Variants in SPOCK1 observed in about 807,000 individuals in gnomAD.
SPOCK1 encodes SPARC (osteonectin), cwcv and kazal like domains proteoglycan 1.
SPOCK1 carries 23 observed loss-of-function variants against 55.3 expected under a neutral mutation model. The observed-to-expected ratio is 0.42, with a 90% confidence interval of 0.30 to 0.59. The LOEUF is 0.59. Ranked by LOEUF, SPOCK1 falls within the 20% of genes least tolerant of loss-of-function variation. SPOCK1 has a pLI of 0.22. For missense variants in SPOCK1, 499 were observed against 552.5 expected (o/e 0.90, Z 0.97); for synonymous variants, 226 against 221.0 (o/e 1.02, Z -0.20).
At chr5:137,140,759 T>A (rs1212656059) in intron 3 of SPOCK1, 65 bp from the exon 4 acceptor site, 1 of 1,108,954 alleles carries the variant, frequency 9.0e-7, no homozygotes, top group Non-Finnish European at 1.2e-6. Flanking sequence ...TTTTTTTTTT[T>A]TTTTTTTTTT....
At chr5:137,092,308 G>A (rs1753066865) in intron 5 of SPOCK1, among the ~76,000 whole-genome samples, 1 of 152,226 alleles carries the variant, frequency 6.6e-6, no homozygotes, top group African/African-American at 2.4e-5. Flanking sequence ...GTAACGAGAG[G>A]CCCTGAGCTG....
chr5:137,432,283 A>G (rs1464929362), intron 2 of SPOCK1, among the ~76,000 whole-genome samples: 1 of 152,248 alleles, frequency 6.6e-6, no homozygotes, highest in East Asian at 1.9e-4. Context: ...GAAAGCAGGG[A>G]CTGGAGAAGA....
At chr5:137,182,013 C>G (rs983094568) in intron 3 of SPOCK1, among the ~76,000 whole-genome samples, 9 of 152,284 alleles carry the variant, frequency 5.9e-5, no homozygotes, top group African/African-American at 2.2e-4. Context: ...AATAGTTTTG[C>G]AGCAGTGGGC....
chr5:137,425,476 A>G (rs948020433), intron 2 of SPOCK1, among the ~76,000 whole-genome samples: 3 of 152,180 alleles, frequency 2.0e-5, no homozygotes, highest in Admixed American at 6.5e-5. Context: ...AAAAGAGAAT[A>G]CCACATGCAT....
At chr5:136,986,992 T>G (rs1750853995) in intron 8 of SPOCK1, among the ~76,000 whole-genome samples, 1 of 152,040 alleles carries the variant, frequency 6.6e-6, no homozygotes, top group Non-Finnish European at 1.5e-5. Context: ...AAAGGACAGT[T>G]CTACCAGGTA....
chr5:137,243,236 T>C (rs1756321834), intron 3 of SPOCK1, among the ~76,000 whole-genome samples: 1 of 152,154 alleles, frequency 6.6e-6, no homozygotes, highest in Admixed American at 6.6e-5. Context: ...AGCTAATACC[T>C]GGGGAAAAGC....
chr5:137,252,398 G>A (rs1294515726), intron 3 of SPOCK1, among the ~76,000 whole-genome samples: 5 of 152,190 alleles, frequency 3.3e-5, no homozygotes, highest in Non-Finnish European at 5.9e-5. Flanking sequence ...GGAGAAAAAC[G>A]TGGATGGCAG....
intron 2 of SPOCK1, among the ~76,000 whole-genome samples, chr5:137,418,127 C>T (rs1257086971): frequency 6.6e-6 from 1 of 152,204 alleles, no homozygotes. Flanking sequence ...CTACAAAGGA[C>T]ATGAACTCAT....
At chr5:137,168,357 A>T (rs6882509) in intron 3 of SPOCK1, among the ~76,000 whole-genome samples, 34,336 of 152,056 alleles carry the variant, frequency 0.23, 4,169 homozygotes, top group Middle Eastern at 0.3. Context: ...AAATGGGATC[A>T]CACGAAGTTA....
At chr5:137,249,496 T>C (rs1242782953) in intron 3 of SPOCK1, among the ~76,000 whole-genome samples, 1 of 152,162 alleles carries the variant, frequency 6.6e-6, no homozygotes, top group Non-Finnish European at 1.5e-5. Context: ...CAGTTAAAAA[T>C]GAATATGCAT....
At chr5:137,377,738 C>T (rs1439240752) in intron 2 of SPOCK1, among the ~76,000 whole-genome samples, 2 of 152,092 alleles carry the variant, frequency 1.3e-5, no homozygotes, top group Non-Finnish European at 2.9e-5. Context: ...AGAAGGATTC[C>T]GGATTCTCTT....
rs1488457194 is a variant in SPOCK1 at position 137,498,458 on chromosome 5, T to C, written c.101A>G (p.Asn34Ser). ...GTCATTGTCTAGGAAATTGCCGTGG[T>C]TGGGGCCCGCGCCTCCGGCGAGCGC... The part of the protein sequence containing the change: ...LDALAGGAGP[N>S]HGNFLDNDQW... The change falls in exon 2 of 11, where the codon AAC (asparagine) becomes AGC (serine). Residue 34 changes from asparagine to serine, a missense_variant. Around this residue, in one of 3 missense-constraint regions of SPOCK1, gnomAD observed 386 missense variants for 400.6 expected, o/e 0.96. Coordinates refer to ENST00000394945, the MANE Select transcript of SPOCK1 (RefSeq NM_004598.4). 1.2e-6 allele frequency: 2 copies of C among 1,610,148 alleles called. No homozygotes were observed. The highest frequency in any genetic ancestry group is 1.1e-5 in the South Asian group (1 of 90,502).
chr5:137,411,801 T>C (rs138670343), intron 2 of SPOCK1, among the ~76,000 whole-genome samples: 99 of 152,320 alleles, frequency 6.5e-4, no homozygotes, highest in Middle Eastern at 3.4e-3. Context: ...CAATGGATAA[T>C]GACAGCTCTC....
intron 4 of SPOCK1, among the ~76,000 whole-genome samples, chr5:137,139,603 GA>G (rs918814066): frequency 6.6e-6 from 1 of 152,058 alleles, no homozygotes; most frequent in African/African-American, 2.4e-5. Context: ...TCTAAATTCA[GA>G]AAGGTTGCTT....
chr5:137,042,356 A>T (rs962606768), intron 6 of SPOCK1, among the ~76,000 whole-genome samples: 5 of 152,196 alleles, frequency 3.3e-5, no homozygotes, highest in Admixed American at 6.5e-5. Flanking sequence ...TAGAGTAATA[A>T]AACTATTTGT....
At chr5:137,036,480 A>G (rs1751886717) in intron 6 of SPOCK1, among the ~76,000 whole-genome samples, 1 of 151,976 alleles carries the variant, frequency 6.6e-6, no homozygotes, top group Non-Finnish European at 1.5e-5. Context: ...AAAACTATCA[A>G]CCTGTTTGTT....
intron 2 of SPOCK1, among the ~76,000 whole-genome samples, chr5:137,326,591 C>T (rs990237825): frequency 2.0e-5 from 3 of 152,204 alleles, no homozygotes; most frequent in African/African-American, 7.2e-5. Flanking sequence ...AATTTATCTA[C>T]AGCTGAAGGA....
rs1750641202 is a variant in SPOCK1, at chr5:136,977,468, G to A, written c.*1186C>T. The A allele has an allele frequency of 4.7e-6, 1 of 211,078 alleles. No individual in the cohort carries two copies. Among genetic ancestry groups the A allele is most frequent in the Non-Finnish European group, 9.3e-6 (1 of 107,182 alleles). The allele number at this position is 211,078 out of a possible 1,614,324, so 13.1% of individuals were successfully genotyped here. A position where few individuals can be genotyped will look rare whatever the true frequency, so the allele number is the denominator to read the frequency against. ...AGCTTTTGTGCCCTTATCATGATTTGTCAGTAGAAAGGGAGTAAAAGCAAA... is the reference window on the plus strand; with the variant it reads ...AGCTTTTGTGCCCTTATCATGATTTATCAGTAGAAAGGGAGTAAAAGCAAA... On this transcript the variant is annotated 3_prime_UTR_variant, in exon 11 of 11. Transcript: ENST00000394945.
chr5:137,291,190 G>A (rs1413504046), intron 2 of SPOCK1, among the ~76,000 whole-genome samples: 1 of 152,174 alleles, frequency 6.6e-6, no homozygotes, highest in Non-Finnish European at 1.5e-5. Flanking sequence ...GCAGAAGCAT[G>A]CATGCCAGCC....
Sources: gnomAD v4.1 joint callset for allele counts (sites outside exome capture counted in the v4.1 genomes callset) on GRCh38, gnomAD v4.1.1 for gene constraint, gnomAD v4.1.1 regional missense constraint, MANE v1.5 for transcripts, NCBI Gene and HGNC (gene_info 2026-07-23, HGNC 2026-07-21) for gene names.